CCDC7: variants seen among roughly 807,000 people sequenced by gnomAD.
CCDC7 encodes the protein coiled-coil domain containing 7.
A neutral mutation model predicts 196.9 loss-of-function variants in CCDC7; 183 were observed. The observed-to-expected ratio is 0.93, with a 90% CI of 0.82 to 1.05. The LOEUF is 1.05. CCDC7 is among the 50% of genes least tolerant of loss of function. CCDC7 has a pLI of 0.00. For missense variants in CCDC7, 1,540 were observed against 1,482.2 expected (o/e 1.04, Z -0.64); for synonymous variants, 525 against 484.6 (o/e 1.08, Z -1.10).
At chr10:32,687,493 G>C (rs974089390) in intron 22 of CCDC7, among the ~76,000 whole-genome samples, 3 of 152,162 alleles carry the variant, frequency 2.0e-5, no homozygotes, top group Non-Finnish European at 2.9e-5. Flanking sequence ...TAGTGGCCCA[G>C]TGGGACCCAC....
intron 32 of CCDC7, among the ~76,000 whole-genome samples, chr10:32,826,039 T>G (rs1296093587): frequency 6.6e-6 from 1 of 152,204 alleles, no homozygotes. Flanking sequence ...TTTGCATCTT[T>G]GTCTGAGGAG....
At chr10:32,571,512 T>A (rs1293552847) in intron 15 of CCDC7, among the ~76,000 whole-genome samples, 1 of 152,136 alleles carries the variant, frequency 6.6e-6, no homozygotes, top group Non-Finnish European at 1.5e-5. Flanking sequence ...TGAGCTACTC[T>A]GCCTGTGGAG....
chr10:32,868,803 G>C (rs773145841), intron 41 of CCDC7, among the ~76,000 whole-genome samples: 5 of 144,114 alleles, frequency 3.5e-5, no homozygotes, highest in Non-Finnish European at 7.4e-5. Flanking sequence ...CCACCTATGA[G>C]TGAGAACATG....
intron 41 of CCDC7, among the ~76,000 whole-genome samples, chr10:32,858,075 A>G (rs2093824519): frequency 7.1e-6 from 1 of 140,010 alleles, no homozygotes. Flanking sequence ...AGATTGAATC[A>G]GGAAGAAATA....
rs373334955 is a variant in CCDC7 at position 32,604,443 on chromosome 10, T to C, written c.1801+20139T>C. 5.9e-5 allele frequency among the ~76,000 whole-genome samples: 9 copies of C among 152,286 alleles called. No individual in the cohort carries two copies. The East Asian group carries it at 1.5e-3, about 26-fold the overall frequency. Reference sequence around the variant, plus strand: ...GTTCTTTTGTGGTTCTATAGAGATTTTAAAAATTTCTTTTAATTATGTTTT... The same window carrying C: ...GTTCTTTTGTGGTTCTATAGAGATTCTAAAAATTTCTTTTAATTATGTTTT... On this transcript the variant is annotated intron_variant, in intron 18 of 41. Transcript: ENST00000639629.
rs2094343483 is a variant in CCDC7 at position 32,869,525 on chromosome 10, C to T, written c.4112-6822C>T. On this transcript the variant is annotated intron_variant, in intron 41 of 41. Coordinates refer to ENST00000639629, the Ensembl canonical transcript of CCDC7. Reference sequence around the variant, plus strand: ...TCCCATTTTGTAGGTTGCCTGTTCACTCTGATGGTAGTTTCTTTTCTGTGC... The same window carrying T: ...TCCCATTTTGTAGGTTGCCTGTTCATTCTGATGGTAGTTTCTTTTCTGTGC... 3.9e-5 allele frequency among the ~76,000 whole-genome samples: 6 copies of T among 152,244 alleles called. 1 individual carries two copies. The South Asian group carries it at 1.2e-3, about 32-fold the overall frequency.
Position 32,517,992 on chromosome 10 carries a change from C to A in CCDC7, c.903+17C>A. The stretch of plus-strand genomic sequence containing the variant: ...TTAGATGCTGTAAGTATAGTACTCT[C>A]AATTTGAAATTACACTTTGTCCTTG... On this transcript the variant is annotated intron_variant, in intron 10 of 41. Transcript: ENST00000639629. The A allele has an allele frequency of 6.4e-7, 1 of 1,555,656 alleles. No individual in the cohort carries two copies. The highest frequency in any genetic ancestry group is 1.2e-5 in the South Asian group (1 of 81,478).
intron 30 of CCDC7, among the ~76,000 whole-genome samples, chr10:32,809,315 TAAAC>T (rs1453371750): frequency 1.3e-5 from 2 of 151,914 alleles, no homozygotes; most frequent in Admixed American, 1.3e-4. Flanking sequence ...AGAACACAGA[TAAAC>T]AATACAAAGA....
chr10:32,452,503 G>A (rs1207383929), intron 1 of CCDC7, among the ~76,000 whole-genome samples: 6 of 152,216 alleles, frequency 3.9e-5, no homozygotes, highest in African/African-American at 1.2e-4. Context: ...TTTCGCCCAG[G>A]CTGGAGTGCC....
chr10:32,636,035 A>G (rs1321926754), intron 20 of CCDC7, among the ~76,000 whole-genome samples: 1 of 152,106 alleles, frequency 6.6e-6, no homozygotes, highest in African/African-American at 2.4e-5. Flanking sequence ...TTTATTCTAA[A>G]GACACCTCTG....
intron 3 of CCDC7, 97 bp downstream of exon 4, chr10:32,456,431 A>G: frequency 1.0e-6 from 1 of 957,696 alleles, no homozygotes; most frequent in Non-Finnish European, 1.4e-6. Flanking sequence ...ATTAATCTAG[A>G]TTCAGTGTCT....
At chr10:32,841,054 C>T (rs750126230) in intron 33 of CCDC7, among the ~76,000 whole-genome samples, 7 of 151,250 alleles carry the variant, frequency 4.6e-5, no homozygotes, top group Non-Finnish European at 1.0e-4. Context: ...TTACACTGAA[C>T]GGGTTTTGAA....
chr10:32,814,400 T>G, exon 31 of CCDC7: 1 of 1,612,338 alleles, frequency 6.2e-7, no homozygotes, highest in Non-Finnish European at 8.5e-7. Context: ...ACAGATGCAT[T>G]TGGAAGAGAT....
At chr10:32,592,435 G>C (rs1206297068) in intron 18 of CCDC7, among the ~76,000 whole-genome samples, 1 of 151,716 alleles carries the variant, frequency 6.6e-6, no homozygotes, top group Non-Finnish European at 1.5e-5. Flanking sequence ...TTGTTTATTT[G>C]AGATTTTCTT....
intron 20 of CCDC7, among the ~76,000 whole-genome samples, chr10:32,643,833 T>C (rs1384074839): frequency 6.7e-6 from 1 of 149,446 alleles, no homozygotes; most frequent in Non-Finnish European, 1.5e-5. Flanking sequence ...ATTTGGTCTT[T>C]TTTTGAAAAT....
intron 2 of CCDC7, among the ~76,000 whole-genome samples, chr10:32,453,673 C>G (rs534783927): frequency 9.9e-5 from 15 of 152,052 alleles, no homozygotes; most frequent in African/African-American, 3.4e-4. Context: ...TAGGAATGAC[C>G]AACATTTTAA....
chr10:32,860,258 C>G (rs530464931), intron 41 of CCDC7, among the ~76,000 whole-genome samples: 66 of 152,320 alleles, frequency 4.3e-4, no homozygotes, highest in Middle Eastern at 6.8e-3. Flanking sequence ...GCTGGTTCAG[C>G]ATACACAAAT....
chr10:32,507,937 A>AGG (rs200003622), intron 9 of CCDC7, among the ~76,000 whole-genome samples: 2,966 of 152,338 alleles, frequency 0.019, 101 homozygotes, highest in African/African-American at 0.067. Flanking sequence ...GAATAGTTGA[A>AGG]GACTTTTTCT....
chr10:32,875,569 C>G (rs2094575682), intron 41 of CCDC7, among the ~76,000 whole-genome samples: 1 of 151,850 alleles, frequency 6.6e-6, no homozygotes, highest in African/African-American at 2.4e-5. Context: ...CTTTCCGTAT[C>G]AGCACATCCA....
Sources: gnomAD v4.1 joint callset for allele counts (sites outside exome capture counted in the v4.1 genomes callset) on GRCh38, gnomAD v4.1.1 for gene constraint, MANE v1.5 for transcripts, NCBI Gene and HGNC (gene_info 2026-07-23, HGNC 2026-07-21) for gene names.